The following PDE11A variants were observed in gnomAD, a reference collection of about 807,000 sequenced individuals.
PDE11A encodes the protein dual 3',5'-cyclic-AMP and -GMP phosphodiesterase 11A.
In PDE11A, 100 loss-of-function variants were observed where a neutral mutation model predicts 100.5. The ratio of observed to expected loss-of-function variants is 1.00; its 90% CI spans 0.85 to 1.18. The LOEUF (loss-of-function observed/expected upper bound fraction) is 1.18, where lower values mean the gene tolerates loss of function less well. PDE11A is among the 50% of genes most tolerant of loss of function. PDE11A has a pLI of 0.00. For synonymous variants in PDE11A, 381 were observed against 420.8 expected (o/e 0.91, Z 1.16); for missense variants, 1,141 against 1,152.6 (o/e 0.99, Z 0.15).
intron 2 of PDE11A, among the ~76,000 whole-genome samples, chr2:177,961,909 T>C (rs1198176709): frequency 1.3e-5 from 2 of 151,838 alleles, no homozygotes; most frequent in African/African-American, 4.8e-5. Context: ...ACACAAAAAT[T>C]AGCTGAGTGT....
intron 5 of PDE11A, among the ~76,000 whole-genome samples, chr2:177,872,715 G>A (rs1051827289): frequency 2.0e-5 from 3 of 152,170 alleles, no homozygotes; most frequent in African/African-American, 7.2e-5. Context: ...TAGTGATGAT[G>A]TTAAATGATG....
intron 9 of PDE11A, among the ~76,000 whole-genome samples, chr2:177,785,080 G>C (rs559560168): frequency 6.6e-6 from 1 of 152,322 alleles, no homozygotes; most frequent in Non-Finnish European, 1.5e-5. Context: ...TTTGAGCATA[G>C]GGGCTTTGTG....
At position 177,737,569 on chromosome 2, in the gene PDE11A, C is replaced by G. The variant is rs535809291; in HGVS notation, c.1789-9397G>C. Among the ~76,000 whole-genome samples, 71 of 145,272 alleles carry G rather than the reference C, an allele frequency of 4.9e-4. No individual in the cohort carries two copies. In the East Asian group the frequency reaches 0.011, roughly 22 times the overall value. The stretch of plus-strand genomic sequence containing the variant: ...TGAGCTGAGATCACGCCACTGCACT[C>G]CAGCCTGGGCGACTCTGTCTCAAAA... On this transcript the variant is annotated intron_variant, in intron 10 of 19. Transcript: ENST00000286063.
chr2:178,083,034 C>G (rs552612886), intron 2 of PDE11A, among the ~76,000 whole-genome samples: 24 of 152,118 alleles, frequency 1.6e-4, no homozygotes, highest in African/African-American at 5.8e-4. Context: ...TTCTCACATA[C>G]TTTCTGCTAG....
rs2082452663 is a variant in PDE11A at position 177,781,485 on chromosome 2, C to T, written c.1738-12112G>A. Among the ~76,000 whole-genome samples the T allele has an allele frequency of 4.3e-5, 6 of 141,018 alleles. No individual in the cohort carries two copies. The South Asian group carries it at 1.4e-3, about 34-fold the overall frequency. 92.5% of individuals were successfully genotyped at this position (141,018 alleles called of 152,430 possible). A position where few individuals can be genotyped will look rare whatever the true frequency, so the allele number is the denominator to read the frequency against. ...AGACCTTGCCCATCTTGGCTGAATT[C>T]TCAATTTCTTTTTCTTTTCTTTTTT... is the stretch of plus-strand genomic sequence containing the variant. On this transcript the variant is annotated intron_variant, in intron 9 of 19. Transcript: ENST00000286063.
At chr2:177,953,315 G>T (rs71423524) in intron 2 of PDE11A, 3 of 152,078 alleles carry the variant, frequency 2.0e-5, no homozygotes, top group African/African-American at 7.2e-5. Context: ...AAGATTAAAG[G>T]CATAAACATA....
intron 9 of PDE11A, among the ~76,000 whole-genome samples, chr2:177,789,919 G>A (rs2082603327): frequency 6.6e-6 from 1 of 151,726 alleles, no homozygotes; most frequent in Middle Eastern, 3.4e-3. Context: ...AACATTCCAT[G>A]CTCATGGGTA....
chr2:177,749,662 T>C (rs55724120), intron 10 of PDE11A, among the ~76,000 whole-genome samples: 21,927 of 152,122 alleles, frequency 0.14, 1,647 homozygotes, highest in African/African-American at 0.17. Context: ...TAAATTAAGA[T>C]AACACATGTA....
chr2:177,767,189 G>A (rs940331738), intron 10 of PDE11A, among the ~76,000 whole-genome samples: 1 of 152,258 alleles, frequency 6.6e-6, no homozygotes, highest in Non-Finnish European at 1.5e-5. Flanking sequence ...AATTAGCAGG[G>A]CATGGTGATG....
chr2:178,108,199 T>C (rs970265500), intron 1 of PDE11A: 3 of 152,304 alleles, frequency 2.0e-5, no homozygotes, highest in African/African-American at 7.2e-5. Flanking sequence ...CTTTTTAATA[T>C]TGGCATTAAA....
chr2:177,775,149 A>G (rs945899234), intron 9 of PDE11A, among the ~76,000 whole-genome samples: 2 of 152,228 alleles, frequency 1.3e-5, no homozygotes, highest in Non-Finnish European at 2.9e-5. Context: ...GTAGCCTTAC[A>G]TACATCTTGA....
At chr2:177,971,221 G>A (rs912194054) in intron 2 of PDE11A, among the ~76,000 whole-genome samples, 4 of 152,082 alleles carry the variant, frequency 2.6e-5, no homozygotes, top group Non-Finnish European at 4.4e-5. Context: ...ACCTTGAGCC[G>A]GCTATTTCAT....
Position 178,064,617 on chromosome 2 carries a change from A to T in PDE11A, c.912+6909T>A, listed in dbSNP as rs139959624. On this transcript the variant is annotated intron_variant, in intron 1 of 19. Coordinates refer to ENST00000286063, the MANE Select transcript of PDE11A (RefSeq NM_016953.4). ...CCATAAATGAAGTTACTATTCATCC[A>T]CAGTGAAGCTTCCCTCTACCTTCTG... 1.3e-3 allele frequency among the ~76,000 whole-genome samples: 203 copies of T among 151,900 alleles called. 1 individual carries two copies. Among genetic ancestry groups the T allele is most frequent in the Middle Eastern group, 0.01 (3 of 292 alleles).
chr2:178,013,040 CCTT>C (rs1268783647), intron 2 of PDE11A, among the ~76,000 whole-genome samples: 3 of 152,202 alleles, frequency 2.0e-5, no homozygotes, highest in East Asian at 3.8e-4. Flanking sequence ...AACGTCCTCT[CCTT>C]CTCATCTGTT....
intron 2 of PDE11A, among the ~76,000 whole-genome samples, chr2:177,971,233 A>ATACCGG (rs1330307545): frequency 6.6e-6 from 1 of 152,210 alleles, no homozygotes; most frequent in Non-Finnish European, 1.5e-5. Context: ...CTATTTCATA[A>ATACCGG]CAATACAAAA....
chr2:178,108,324 C>T (rs1212519590), exon 1 of PDE11A: 2 of 152,258 alleles, frequency 1.3e-5, no homozygotes, highest in African/African-American at 4.8e-5. Flanking sequence ...GCACCTCACG[C>T]CCTGGGCTGC....
rs563103926 is a variant in PDE11A at position 177,704,224 on chromosome 2, C to T, written c.2154-3013G>A. Among the ~76,000 whole-genome samples, 4 of 152,258 alleles carry T rather than the reference C, an allele frequency of 2.6e-5. No individual in the cohort carries two copies. The South Asian group carries it at 8.3e-4, about 32-fold the overall frequency. On this transcript the variant is annotated intron_variant, in intron 13 of 19. Transcript: ENST00000286063. Reference sequence around the variant, plus strand: ...TGACCTTCAGGAAGCTCACAATCCCCTATAATTGTGTCAGGAATTTTTCTC... The same window carrying T: ...TGACCTTCAGGAAGCTCACAATCCCTTATAATTGTGTCAGGAATTTTTCTC...
intron 2 of PDE11A, among the ~76,000 whole-genome samples, chr2:177,937,280 C>T (rs940424592): frequency 6.7e-6 from 1 of 149,272 alleles, no homozygotes; most frequent in East Asian, 2.0e-4. Context: ...GAAAGACACA[C>T]AACTGATTAA....
rs549392013 is a variant in PDE11A at position 177,886,830 on chromosome 2, C to T, written c.1303-10907G>A. On this transcript the variant is annotated intron_variant, in intron 4 of 19. Transcript: ENST00000286063. ...TAAAACACAGAGGAAATCAGAAAGA[C>T]ATTTAGAGATTGAAAGGAAGAGAGA... Among the ~76,000 whole-genome samples the T allele has an allele frequency of 2.0e-5, 3 of 151,938 alleles. No homozygotes were observed. The South Asian group carries it at 6.2e-4, about 32-fold the overall frequency.
Sources: gnomAD v4.1 joint callset for allele counts (sites outside exome capture counted in the v4.1 genomes callset) on GRCh38, gnomAD v4.1.1 for gene constraint, MANE v1.5 for transcripts, NCBI Gene and HGNC (gene_info 2026-07-23, HGNC 2026-07-21) for gene names.